AASS: variants seen among roughly 807,000 people sequenced by gnomAD.
The protein encoded by AASS is alpha-aminoadipic semialdehyde synthase, mitochondrial.
A neutral mutation model predicts 105.4 loss-of-function variants in AASS; 86 were observed. That is an observed-to-expected ratio of 0.82 (90% confidence interval 0.69 to 0.98). The LOEUF is 0.98. Among genes scored for constraint, AASS ranks in the 50% least tolerant of loss-of-function variants. The pLI is 0.00. For synonymous variants in AASS, 381 were observed against 394.8 expected, an observed-to-expected ratio of 0.96 and a Z score of 0.41; for missense variants, 1,048 against 1,143.2, an observed-to-expected ratio of 0.92 and a Z score of 1.20.
At chr7:122,117,646 T>C (rs1040904616) in intron 6 of AASS, among the ~76,000 whole-genome samples, 19 of 149,710 alleles carry the variant, frequency 1.3e-4, no homozygotes, top group African/African-American at 3.0e-4. Context: ...ATCTATTTAT[T>C]TATTTATTTA....
chr7:122,119,643 T>G (rs918828366), intron 4 of AASS, among the ~76,000 whole-genome samples: 1 of 152,174 alleles, frequency 6.6e-6, no homozygotes, highest in Non-Finnish European at 1.5e-5. Context: ...ACATACAACA[T>G]AATGCACCCA....
intron 23 of AASS, 81 bp downstream of exon 23, chr7:122,077,757 G>C (rs1562898158): frequency 6.6e-7 from 1 of 1,526,002 alleles, no homozygotes; most frequent in East Asian, 2.2e-5. Context: ...TTACGCTCAA[G>C]AGCAATTACT....
In AASS at chr7:122,118,696, C is replaced by T. The variant is rs181584412; in HGVS notation, c.473-66G>A. The T allele has an allele frequency of 5.8e-4, 870 of 1,506,182 alleles. 2 individuals are homozygous for T. Among genetic ancestry groups the T allele is most frequent in the Middle Eastern group, 3.2e-3 (14 of 4,332 alleles). The allele number at this position is 1,506,182 out of a possible 1,614,324, so 93.3% of individuals were successfully genotyped here. On this transcript the variant is annotated intron_variant, in intron 4 of 23. Coordinates refer to ENST00000417368, the MANE Select transcript of AASS (RefSeq NM_005763.4). Reference sequence around the variant, plus strand: ...AAGAATTTAAGCTGTTCTCTCTGCTCGTTCTCCAATCTGCATGGTGCCCTG... The same window carrying T: ...AAGAATTTAAGCTGTTCTCTCTGCTTGTTCTCCAATCTGCATGGTGCCCTG...
chr7:122,127,347 C>A (rs1420676153), intron 3 of AASS, among the ~76,000 whole-genome samples: 3 of 151,828 alleles, frequency 2.0e-5, no homozygotes, highest in Non-Finnish European at 4.4e-5. Context: ...ATTTTATTTC[C>A]TCAAAGATCA....
chr7:122,079,207 A>G, intron 21 of AASS: 1 of 1,391,776 alleles, frequency 7.2e-7, no homozygotes, highest in Non-Finnish European at 9.3e-7. Context: ...ATGTTCTTAC[A>G]AAGATCTTTA....
At position 122,131,803 on chromosome 7, in the gene AASS, G is replaced by A. The variant is rs186848199; in HGVS notation, c.210+1714C>T. Among the ~76,000 whole-genome samples, 3 of 152,056 alleles carry A rather than the reference G, an allele frequency of 2.0e-5. No homozygotes were observed. In the East Asian group the frequency reaches 5.8e-4, roughly 29 times the overall value. On this transcript the variant is annotated intron_variant, in intron 2 of 23. Transcript: ENST00000417368. ...ATTATTAATTTCCTGATGTGGGGCA[G>A]GAAAGGTACAAGGTGAGACTAGGAC... is the stretch of plus-strand genomic sequence containing the variant.
Position 122,118,328 on chromosome 7 carries a change from T to C in AASS, c.666A>G (p.Thr222=). Residue 222 remains threonine (T), a synonymous_variant, in exon 6 of 24, where the codon ACA becomes ACG. Transcript: ENST00000417368. ...TTACCTTAGAAACATTACCAGTTCC[T>C]GTGAACACAAATGTTAAGGGTCCTA... ...KSIGPLTFVF[T]GTGNVSKGAQ... 1.9e-6 allele frequency: 3 copies of C among 1,614,156 alleles called. No homozygotes were observed. Among genetic ancestry groups the C allele is most frequent in the Middle Eastern group, 1.6e-4 (1 of 6,062 alleles).
At chr7:122,078,996 G>A (rs1584804074) in intron 21 of AASS, 46 bp from the exon 22 acceptor site, 2 of 1,613,650 alleles carry the variant, frequency 1.2e-6, no homozygotes. Context: ...TCCTATACAT[G>A]TTCTCATTTG....
At chr7:122,090,151 T>C (rs984739207) in intron 18 of AASS, among the ~76,000 whole-genome samples, 1 of 152,192 alleles carries the variant, frequency 6.6e-6, no homozygotes, top group Non-Finnish European at 1.5e-5. Flanking sequence ...TCTTTGGCTA[T>C]GTTATGAGGG....
intron 2 of AASS, among the ~76,000 whole-genome samples, chr7:122,132,137 T>G (rs972163585): frequency 1.3e-5 from 2 of 152,166 alleles, no homozygotes; most frequent in Non-Finnish European, 2.9e-5. Flanking sequence ...CTTGTCAACA[T>G]GAAGATGTAT....
intron 15 of AASS, among the ~76,000 whole-genome samples, chr7:122,093,380 G>A (rs1024444360): frequency 1.3e-5 from 2 of 152,180 alleles, no homozygotes; most frequent in African/African-American, 2.4e-5. Flanking sequence ...ACTATCATTC[G>A]ACTTAGCAAT....
chr7:122,097,986 T>C (rs1042721906), intron 15 of AASS, among the ~76,000 whole-genome samples: 2 of 151,984 alleles, frequency 1.3e-5, no homozygotes, highest in African/African-American at 4.8e-5. Context: ...ATTCACATAA[T>C]GAAATACTAT....
intron 11 of AASS, among the ~76,000 whole-genome samples, chr7:122,104,346 A>G (rs1422476845): frequency 6.6e-6 from 1 of 152,150 alleles, no homozygotes; most frequent in East Asian, 1.9e-4. Flanking sequence ...CTGTAATCCC[A>G]GCACTTTGAG....
chr7:122,079,583 T>C lies in AASS; in HGVS notation c.2396+14A>G. On this transcript the variant is annotated intron_variant, in intron 21 of 23. Transcript: ENST00000417368. Reference sequence around the variant, plus strand: ...CCAGTATATTTTGCTCTAAGTTGAGTGGTGGGTGCCTACCATTCAGCAGCC... The same window carrying C: ...CCAGTATATTTTGCTCTAAGTTGAGCGGTGGGTGCCTACCATTCAGCAGCC... 1 of 1,564,032 alleles carries C rather than the reference T, an allele frequency of 6.4e-7. No homozygotes were observed. Among genetic ancestry groups the C allele is most frequent in the Non-Finnish European group, 8.8e-7 (1 of 1,134,452 alleles).
chr7:122,135,581 T>TA (rs1796106471), intron 1 of AASS, among the ~76,000 whole-genome samples: 1 of 152,170 alleles, frequency 6.6e-6, no homozygotes, highest in Admixed American at 6.5e-5. Context: ...ATGATGAATG[T>TA]AACGGGCTTC....
intron 4 of AASS, among the ~76,000 whole-genome samples, chr7:122,120,281 T>C (rs192685937): frequency 3.0e-4 from 45 of 152,284 alleles, no homozygotes; most frequent in African/African-American, 1.0e-3. Context: ...AGTTTTCAAT[T>C]TCTTCTTGAG....
At chr7:122,140,337 T>C (rs2150559491) in intron 1 of AASS, among the ~76,000 whole-genome samples, 1 of 151,300 alleles carries the variant, frequency 6.6e-6, no homozygotes, top group African/African-American at 2.4e-5. Flanking sequence ...TACAAAAAAT[T>C]AGCCAGGGTC....
intron 11 of AASS, among the ~76,000 whole-genome samples, chr7:122,104,770 T>C (rs556126503): frequency 6.6e-6 from 1 of 152,128 alleles, no homozygotes; most frequent in African/African-American, 2.4e-5. Flanking sequence ...AACCAGGGTA[T>C]ACTTGAGGGT....
In AASS at chr7:122,144,177, C is replaced by T. The variant is rs1246647230; in HGVS notation, c.-32G>A. The T allele has an allele frequency of 6.6e-6, 1 of 152,454 alleles. No homozygotes were observed. The highest frequency in any genetic ancestry group is 2.4e-5 in the African/African-American group (1 of 41,486). The allele number at this position is 152,454 out of a possible 1,614,324, so 9.4% of individuals were successfully genotyped here. On this transcript the variant is annotated 5_prime_UTR_variant, in exon 1 of 24. Transcript: ENST00000417368. Reference sequence around the variant, plus strand: ...TCTCCTCACCTCGTCCGCTCTGGGGCGCCGACTTGTCCCCCGCCGCCTCGA... The same window carrying T: ...TCTCCTCACCTCGTCCGCTCTGGGGTGCCGACTTGTCCCCCGCCGCCTCGA...
Sources: gnomAD v4.1 joint callset for allele counts (sites outside exome capture counted in the v4.1 genomes callset) on GRCh38, gnomAD v4.1.1 for gene constraint, MANE v1.5 for transcripts, NCBI Gene and HGNC (gene_info 2026-07-23, HGNC 2026-07-21) for gene names.